The following MACROD2 variants were observed in gnomAD, a reference collection of about 807,000 sequenced individuals.
The protein encoded by MACROD2 is mono-ADP ribosylhydrolase 2.
Under a neutral mutation model 70.4 loss-of-function variants are expected in MACROD2, and 36 were observed. The observed-to-expected ratio is 0.51, with a 90% CI of 0.39 to 0.68. The LOEUF (loss-of-function observed/expected upper bound fraction) is 0.68, where lower values mean the gene tolerates loss of function less well. Ranked by LOEUF, MACROD2 falls within the 30% of genes least tolerant of loss-of-function variation. The probability of loss-of-function intolerance (pLI) is 0.00; values close to 1 mark genes in which losing one functional copy is unlikely to be tolerated. For missense variants in MACROD2, 496 were observed against 538.4 expected, an observed-to-expected ratio of 0.92 and a Z score of 0.78; for synonymous variants, 172 against 178.8, an observed-to-expected ratio of 0.96 and a Z score of 0.30.
At chr20:15,387,559 T>G (rs540305505) in intron 6 of MACROD2, among the ~76,000 whole-genome samples, 3 of 151,330 alleles carry the variant, frequency 2.0e-5, no homozygotes, top group Non-Finnish European at 4.4e-5. Flanking sequence ...ATTACATCTT[T>G]CTTCTCTTTT....
chr20:14,401,912 T>A (rs143553592), intron 3 of MACROD2, among the ~76,000 whole-genome samples: 1 of 152,278 alleles, frequency 6.6e-6, no homozygotes, highest in African/African-American at 2.4e-5. Context: ...CTGCTTTAGA[T>A]CCACAAATTG....
intron 5 of MACROD2, among the ~76,000 whole-genome samples, chr20:15,211,464 T>G (rs552139928): frequency 6.6e-6 from 1 of 152,248 alleles, no homozygotes; most frequent in South Asian, 2.1e-4. Flanking sequence ...AGGTGTGGCC[T>G]GGTGGGAGGT....
At chr20:15,892,957 CCTA>C in intron 10 of MACROD2, 1 of 398,898 alleles carries the variant, frequency 2.5e-6, no homozygotes. Context: ...CTCTCTCCAC[CCTA>C]CAAAAAGAGC....
At chr20:15,387,354 C>G (rs1456348117) in intron 6 of MACROD2, among the ~76,000 whole-genome samples, 1 of 128,838 alleles carries the variant, frequency 7.8e-6, no homozygotes, top group Non-Finnish European at 1.7e-5. Context: ...CTCTCTGCTT[C>G]TATTCCTCTC....
At chr20:15,157,511 G>A (rs1193399273) in intron 5 of MACROD2, among the ~76,000 whole-genome samples, 1 of 152,042 alleles carries the variant, frequency 6.6e-6, no homozygotes, top group Non-Finnish European at 1.5e-5. Flanking sequence ...ACATTGCATG[G>A]TCCTTTCATT....
chr20:15,748,383 C>T (rs193255795), intron 8 of MACROD2, among the ~76,000 whole-genome samples: 1 of 151,952 alleles, frequency 6.6e-6, no homozygotes, highest in South Asian at 2.1e-4. Flanking sequence ...TTCCTTCTTT[C>T]CTTTCTTTCT....
At chr20:15,407,106 G>T (rs887029530) in intron 6 of MACROD2, among the ~76,000 whole-genome samples, 1 of 152,186 alleles carries the variant, frequency 6.6e-6, no homozygotes, top group Non-Finnish European at 1.5e-5. Flanking sequence ...CCTGCTATCG[G>T]TACCTTCCCG....
intron 5 of MACROD2, among the ~76,000 whole-genome samples, chr20:14,964,661 A>C (rs890351016): frequency 6.6e-6 from 1 of 152,208 alleles, no homozygotes; most frequent in East Asian, 1.9e-4. Flanking sequence ...GCTTTGTTAT[A>C]AAATTAATAG....
At chr20:15,385,171 A>G (rs1468090150) in intron 6 of MACROD2, among the ~76,000 whole-genome samples, 3 of 152,142 alleles carry the variant, frequency 2.0e-5, no homozygotes, top group Admixed American at 6.5e-5. Context: ...AGAACATGGT[A>G]TCTACACATG....
intron 13 of MACROD2, chr20:15,986,065 A>G (rs2066478084): frequency 6.6e-6 from 1 of 152,188 alleles, no homozygotes; most frequent in African/African-American, 2.4e-5. Context: ...TATGAATAAC[A>G]TCGGTTTCTA....
intron 4 of MACROD2, among the ~76,000 whole-genome samples, chr20:14,664,048 A>G (rs2070708899): frequency 6.6e-6 from 1 of 152,090 alleles, no homozygotes; most frequent in Non-Finnish European, 1.5e-5. Context: ...CGCATACAGT[A>G]TTGTCTCTTT....
intron 10 of MACROD2, among the ~76,000 whole-genome samples, chr20:15,909,600 T>G (rs988452473): frequency 2.2e-5 from 3 of 138,764 alleles, no homozygotes. Context: ...CTCGGCTCAC[T>G]GCAAGCTCCG....
intron 9 of MACROD2, among the ~76,000 whole-genome samples, chr20:15,876,837 T>C (rs1474260656): frequency 6.6e-6 from 1 of 152,120 alleles, no homozygotes; most frequent in Non-Finnish European, 1.5e-5. Flanking sequence ...CTCATTGTGG[T>C]TTTGATTTGC....
chr20:14,849,351 T>A (rs1417014209), intron 5 of MACROD2, among the ~76,000 whole-genome samples: 1 of 152,116 alleles, frequency 6.6e-6, no homozygotes, highest in Non-Finnish European at 1.5e-5. Flanking sequence ...TGTGAAAATA[T>A]CTTCTATGCC....
chr20:15,504,764 T>C (rs929271017), intron 8 of MACROD2, among the ~76,000 whole-genome samples: 6 of 152,162 alleles, frequency 3.9e-5, no homozygotes, highest in Non-Finnish European at 7.3e-5. Flanking sequence ...ATAACCTTTC[T>C]CTAAGTGCAC....
intron 8 of MACROD2, among the ~76,000 whole-genome samples, chr20:15,736,584 G>A (rs2051024569): frequency 6.6e-6 from 1 of 150,754 alleles, no homozygotes; most frequent in Non-Finnish European, 1.5e-5. Context: ...TGGGTAAATG[G>A]GAGCAGATAT....
At position 15,726,556 on chromosome 20, in the gene MACROD2, A is replaced by G. The variant is rs556350981; in HGVS notation, c.646-136189A>G. Among the ~76,000 whole-genome samples, 6 of 152,182 alleles carry G rather than the reference A, an allele frequency of 3.9e-5. No individual in the cohort carries two copies. In the East Asian group the frequency reaches 1.2e-3, roughly 29 times the overall value. On this transcript the variant is annotated intron_variant, in intron 8 of 17. Coordinates refer to ENST00000684519, the MANE Select transcript of MACROD2 (RefSeq NM_001351661.2). Reference sequence around the variant, plus strand: ...ATTTGCATTCCTATCAGCAGTGTATAAGCATTCTCTTTTTTCTGCAGCTTT... The same window carrying G: ...ATTTGCATTCCTATCAGCAGTGTATGAGCATTCTCTTTTTTCTGCAGCTTT...
At chr20:14,821,599 C>G (rs2072845518) in intron 5 of MACROD2, among the ~76,000 whole-genome samples, 1 of 152,104 alleles carries the variant, frequency 6.6e-6, no homozygotes, top group Non-Finnish European at 1.5e-5. Context: ...CAAACAGCCT[C>G]ACCTAATTGT....
intron 4 of MACROD2, among the ~76,000 whole-genome samples, chr20:14,625,606 A>G (rs1984101332): frequency 6.6e-6 from 1 of 152,196 alleles, no homozygotes; most frequent in Admixed American, 6.5e-5. Context: ...ATGTATTCCC[A>G]CTCAACAATA....
Sources: allele counts gnomAD v4.1 joint callset (sites outside exome capture counted in the v4.1 genomes callset), GRCh38; gene constraint gnomAD v4.1.1; transcripts MANE v1.5; gene names NCBI Gene and HGNC (gene_info 2026-07-23, HGNC 2026-07-21).